PTPRQ: variants seen among roughly 807,000 people sequenced by gnomAD.
PTPRQ encodes the protein protein tyrosine phosphatase receptor type Q.
A neutral mutation model predicts 246.0 loss-of-function variants in PTPRQ; 199 were observed. The ratio of observed to expected loss-of-function variants is 0.81; its 90% CI spans 0.72 to 0.91. The LOEUF (loss-of-function observed/expected upper bound fraction) is 0.91. Among genes scored for constraint, PTPRQ ranks in the 40% least tolerant of loss-of-function variants. The pLI, the probability that PTPRQ is intolerant of heterozygous loss-of-function variation, is 0.00. For synonymous variants in PTPRQ, 869 were observed against 853.2 expected (o/e 1.02, Z -0.32); for missense variants, 2,624 against 2,528.4 (o/e 1.04, Z -0.81).
intron 19 of PTPRQ, among the ~76,000 whole-genome samples, chr12:80,536,362 C>T (rs772192580): frequency 1.8e-4 from 27 of 152,170 alleles, no homozygotes; most frequent in African/African-American, 4.8e-5. Context: ...TTTAGTGCAG[C>T]TATAGTGCAA....
chr12:80,654,151 G>A (rs930955189), intron 38 of PTPRQ, among the ~76,000 whole-genome samples: 5 of 149,560 alleles, frequency 3.3e-5, no homozygotes, highest in South Asian at 2.1e-4. Flanking sequence ...GCTGGAGTGC[G>A]GTAGTGCAAC....
chr12:80,468,267 C>T (rs1893505527), intron 6 of PTPRQ, among the ~76,000 whole-genome samples: 1 of 151,976 alleles, frequency 6.6e-6, no homozygotes, highest in Admixed American at 6.6e-5. Context: ...ATTATTTGCT[C>T]ATAATTTTGA....
chr12:80,669,497 A>G (rs1245699038), intron 41 of PTPRQ, 33 bp downstream of exon 41: 5 of 1,525,760 alleles, frequency 3.3e-6, no homozygotes, highest in Non-Finnish European at 3.5e-6. Context: ...AGAGAACATG[A>G]TATAAAATAT....
intron 17 of PTPRQ, among the ~76,000 whole-genome samples, chr12:80,522,898 C>T (rs1035586994): frequency 3.7e-4 from 56 of 152,170 alleles, no homozygotes; most frequent in African/African-American, 1.3e-3. Flanking sequence ...AGGGAGGATT[C>T]TCTCTTTTTC....
chr12:80,524,849 G>T (rs183307112), intron 17 of PTPRQ, among the ~76,000 whole-genome samples: 118 of 152,226 alleles, frequency 7.8e-4, no homozygotes, highest in African/African-American at 2.7e-3. Context: ...CCAGATCTGT[G>T]TTACTCTCAA....
chr12:80,581,694 CAAAT>C (rs1309281875), intron 25 of PTPRQ, among the ~76,000 whole-genome samples: 1 of 151,280 alleles, frequency 6.6e-6, no homozygotes, highest in Non-Finnish European at 1.5e-5. Flanking sequence ...AATAAAAAGA[CAAAT>C]AACAGATTTG....
intron 14 of PTPRQ, among the ~76,000 whole-genome samples, chr12:80,498,928 CTGTA>C (rs1461779860): frequency 6.6e-6 from 1 of 151,790 alleles, no homozygotes; most frequent in Non-Finnish European, 1.5e-5. Flanking sequence ...GTTTTATTGT[CTGTA>C]TGAGTTTAAT....
At chr12:80,590,512 C>G (rs1263522523) in intron 26 of PTPRQ, among the ~76,000 whole-genome samples, 1 of 151,268 alleles carries the variant, frequency 6.6e-6, no homozygotes, top group Middle Eastern at 3.2e-3. Context: ...CTAAAAAATA[C>G]AAAAAATTAG....
At chr12:80,448,524 C>T (rs1362891528) in intron 3 of PTPRQ, among the ~76,000 whole-genome samples, 4 of 151,458 alleles carry the variant, frequency 2.6e-5, no homozygotes, top group African/African-American at 7.3e-5. Context: ...TCCCTCCCCA[C>T]TCCCCCCACC....
chr12:80,512,412 T>A (rs1264966825), intron 17 of PTPRQ, among the ~76,000 whole-genome samples: 1 of 152,212 alleles, frequency 6.6e-6, no homozygotes, highest in Non-Finnish European at 1.5e-5. Context: ...TCTCTCTGGG[T>A]ATGAACTCCA....
intron 33 of PTPRQ, among the ~76,000 whole-genome samples, chr12:80,622,386 A>T (rs1315785019): frequency 6.6e-6 from 1 of 152,034 alleles, no homozygotes; most frequent in Non-Finnish European, 1.5e-5. Context: ...AGTGCTTCTC[A>T]GAGGGATTTT....
intron 35 of PTPRQ, among the ~76,000 whole-genome samples, chr12:80,644,413 A>C (rs112074248): frequency 0.017 from 2,612 of 152,266 alleles, 30 homozygotes; most frequent in Non-Finnish European, 0.028. Flanking sequence ...TCTGACAGTA[A>C]CCTTCACTAT....
chr12:80,462,036 G>T lies in PTPRQ; in HGVS notation c.910+1134G>T, dbSNP rs56760815. The T allele has an allele frequency of 0.015, 10,810 of 700,724 alleles. 798 individuals are homozygous for T. In the African/African-American group the frequency reaches 0.16, roughly 11 times the overall value. The allele number at this position is 700,724 out of a possible 1,614,324, so 43.4% of individuals were successfully genotyped here. A position where few individuals can be genotyped will look rare whatever the true frequency, so the allele number is the denominator to read the frequency against. On this transcript the variant is annotated intron_variant, in intron 6 of 44. Coordinates refer to ENST00000644991, the MANE Select transcript of PTPRQ (RefSeq NM_001145026.2). ...TGCAGGTCAGTGCGTGCAGTGCGCC[G>T]TGAGAGAGCCGAAGCAGGGCGAGGC...
At chr12:80,657,687 A>G (rs1216890474) in intron 38 of PTPRQ, among the ~76,000 whole-genome samples, 1 of 151,906 alleles carries the variant, frequency 6.6e-6, no homozygotes, top group Non-Finnish European at 1.5e-5. Flanking sequence ...ACGGAAAGAC[A>G]TAGGTAAATG....
rs1197168471 is a variant in PTPRQ at position 80,676,706 on chromosome 12, A to G, written c.6739-1896A>G. Among the ~76,000 whole-genome samples, 4 of 152,262 alleles carry G rather than the reference A, an allele frequency of 2.6e-5. No individual in the cohort carries two copies. The East Asian group carries it at 7.7e-4, about 29-fold the overall frequency. The stretch of plus-strand genomic sequence containing the variant: ...GCCCCAGGAAATTTGAAAGGCCTTT[A>G]TGAGAGAACTCTCTGTAGTGAGCTA... On this transcript the variant is annotated intron_variant, in intron 43 of 44. Coordinates refer to ENST00000644991, the MANE Select transcript of PTPRQ (RefSeq NM_001145026.2).
chr12:80,571,777 TA>T (rs1414975833), intron 25 of PTPRQ, among the ~76,000 whole-genome samples: 1 of 152,106 alleles, frequency 6.6e-6, no homozygotes, highest in Non-Finnish European at 1.5e-5. Context: ...TACTTTTATT[TA>T]TAATAAATAA....
intron 29 of PTPRQ, among the ~76,000 whole-genome samples, chr12:80,615,635 A>G (rs767114292): frequency 3.2e-4 from 49 of 151,070 alleles, no homozygotes; most frequent in Non-Finnish European, 7.1e-4. Flanking sequence ...GCAGGGGTGA[A>G]GAAGGGCATA....
At chr12:80,641,415 T>A (rs1189066093) in intron 35 of PTPRQ, among the ~76,000 whole-genome samples, 1 of 152,182 alleles carries the variant, frequency 6.6e-6, no homozygotes, top group Admixed American at 6.5e-5. Context: ...TCATGAGCTA[T>A]AAGGCTGAAT....
chr12:80,452,197 G>C (rs569874525), intron 3 of PTPRQ, among the ~76,000 whole-genome samples: 1 of 142,996 alleles, frequency 7.0e-6, no homozygotes, highest in African/African-American at 2.7e-5. Flanking sequence ...CCCTGCCTTT[G>C]TTTGTTTTCC....
Sources: gnomAD v4.1 joint callset for allele counts (sites outside exome capture counted in the v4.1 genomes callset) on GRCh38, gnomAD v4.1.1 for gene constraint, MANE v1.5 for transcripts, NCBI Gene and HGNC (gene_info 2026-07-23, HGNC 2026-07-21) for gene names.